The following GPR55 variants were observed in gnomAD, a reference collection of about 807,000 sequenced individuals.
The protein encoded by GPR55 is G-protein coupled receptor 55.
GPR55 carries 6 observed loss-of-function variants against 7.9 expected under a neutral mutation model. The observed-to-expected ratio is 0.76, with a 90% CI of 0.41 to 1.49. The LOEUF (loss-of-function observed/expected upper bound fraction) is 1.49, where lower values mean the gene tolerates loss of function less well. Ranked by LOEUF, GPR55 falls within the 40% of genes most tolerant of loss-of-function variation. The pLI, the probability that GPR55 is intolerant of heterozygous loss-of-function variation, is 0.01. For synonymous variants in GPR55, 183 were observed against 166.8 expected (o/e 1.10, Z -0.75); for missense variants, 376 against 406.0 (o/e 0.93, Z 0.63).
intron 1 of GPR55, among the ~76,000 whole-genome samples, chr2:230,937,178 G>A (rs557073606): frequency 6.6e-6 from 1 of 151,808 alleles, no homozygotes; most frequent in African/African-American, 2.4e-5. Flanking sequence ...GAGGTGGGAG[G>A]ATTGCTTGAG....
intron 1 of GPR55, among the ~76,000 whole-genome samples, chr2:230,951,327 T>C (rs555800484): frequency 6.6e-6 from 1 of 152,294 alleles, no homozygotes; most frequent in East Asian, 1.9e-4. Context: ...AGAATTCTCC[T>C]TCTGTGTTGA....
At chr2:230,956,098 G>A (rs1691478657) in intron 1 of GPR55, among the ~76,000 whole-genome samples, 2 of 152,124 alleles carry the variant, frequency 1.3e-5, no homozygotes, top group South Asian at 4.2e-4. Flanking sequence ...ACAGTGGGAG[G>A]TCTTGTTCTA....
At chr2:230,947,855 C>T (rs375835602) in intron 1 of GPR55, among the ~76,000 whole-genome samples, 3 of 152,174 alleles carry the variant, frequency 2.0e-5, no homozygotes, top group East Asian at 1.9e-4. Context: ...TGGTGCCCCC[C>T]CTCCAACTCC....
chr2:230,935,607 C>T (rs1245013226), intron 1 of GPR55, among the ~76,000 whole-genome samples: 2 of 152,148 alleles, frequency 1.3e-5, no homozygotes, highest in East Asian at 1.9e-4. Flanking sequence ...CATGTGCATG[C>T]CCTAGATGGA....
intron 1 of GPR55, among the ~76,000 whole-genome samples, chr2:230,934,174 G>C (rs1691098534): frequency 6.6e-6 from 1 of 152,104 alleles, no homozygotes; most frequent in African/African-American, 2.4e-5. Context: ...TGCACTGGCT[G>C]TTTCTCCACC....
At chr2:230,943,052 G>A (rs1559178268) in intron 1 of GPR55, among the ~76,000 whole-genome samples, 1 of 149,052 alleles carries the variant, frequency 6.7e-6, no homozygotes, top group Non-Finnish European at 1.5e-5. Flanking sequence ...GAAGAGGAGA[G>A]AGGAGGGAGA....
intron 1 of GPR55, among the ~76,000 whole-genome samples, chr2:230,949,138 C>T (rs1691361533): frequency 6.8e-6 from 1 of 148,134 alleles, no homozygotes; most frequent in Non-Finnish European, 1.5e-5. Flanking sequence ...GGCCCTAATG[C>T]TTTTATGGCT....
intron 1 of GPR55, among the ~76,000 whole-genome samples, chr2:230,921,465 A>G (rs1387928953): frequency 6.6e-6 from 1 of 152,234 alleles, no homozygotes; most frequent in Non-Finnish European, 1.5e-5. Context: ...CAAAGAAAAT[A>G]GCTGTTTGTT....
At chr2:230,926,306 C>T (rs918633785), upstream of GPR55, among the ~76,000 whole-genome samples, 4 of 152,186 alleles carry the variant, frequency 2.6e-5, no homozygotes, top group South Asian at 2.1e-4. Context: ...TGGGCTTGTG[C>T]GATGGGCAGT....
At chr2:230,925,529 C>G (rs1690927699), upstream of GPR55, among the ~76,000 whole-genome samples, 1 of 152,118 alleles carries the variant, frequency 6.6e-6, no homozygotes, top group African/African-American at 2.4e-5. Flanking sequence ...CTGCATGTGT[C>G]AAGCCCTGGG....
chr2:230,914,975 G>T (rs928676848), intron 1 of GPR55, among the ~76,000 whole-genome samples: 40 of 152,368 alleles, frequency 2.6e-4, no homozygotes, highest in African/African-American at 9.1e-4. Flanking sequence ...GAACAACAAG[G>T]TGGGAAGGAC....
At chr2:230,947,514 T>C (rs1428393413) in intron 1 of GPR55, among the ~76,000 whole-genome samples, 1 of 151,142 alleles carries the variant, frequency 6.6e-6, no homozygotes, top group Non-Finnish European at 1.5e-5. Context: ...TTTTTTTTTT[T>C]TTTTTTTGAG....
intron 1 of GPR55, among the ~76,000 whole-genome samples, chr2:230,920,306 T>C (rs142311605): frequency 6.6e-6 from 1 of 152,278 alleles, no homozygotes; most frequent in African/African-American, 2.4e-5. Context: ...AATTAAAAGT[T>C]ATGCATTGAA....
rs1013419192 is a variant in GPR55 at position 230,908,116 on chromosome 2, G to A, written c.*1887C>T. The A allele has an allele frequency of 6.6e-6, 1 of 152,592 alleles. No homozygotes were observed. Among genetic ancestry groups the A allele is most frequent in the African/African-American group, 2.4e-5 (1 of 41,442 alleles). 9.5% of individuals were successfully genotyped at this position (152,592 alleles called of 1,614,324 possible). ...CCTGCAGGCAAGGAGAGGAGTGTCT[G>A]GGGTTTGGGGCAGCCAGGCAGCCTT... On this transcript the variant is annotated 3_prime_UTR_variant, in exon 2 of 2. Coordinates refer to ENST00000650999, the MANE Select transcript of GPR55 (RefSeq NM_005683.4).
chr2:230,916,066 GAA>G (rs1205941978), intron 1 of GPR55, among the ~76,000 whole-genome samples: 2 of 142,624 alleles, frequency 1.4e-5, no homozygotes, highest in African/African-American at 5.1e-5. Context: ...AAAATCAAAA[GAA>G]AAAAAAAAAC....
chr2:230,934,226 T>C (rs1456623397), intron 1 of GPR55, among the ~76,000 whole-genome samples: 1 of 152,218 alleles, frequency 6.6e-6, no homozygotes, highest in African/African-American at 2.4e-5. Context: ...TGGTGATTTC[T>C]AACCCAGCCC....
At chr2:230,921,755 C>T (rs1021630915) in intron 1 of GPR55, among the ~76,000 whole-genome samples, 5 of 152,152 alleles carry the variant, frequency 3.3e-5, no homozygotes, top group African/African-American at 1.2e-4. Flanking sequence ...ATGGCCAATG[C>T]ACAGCTCTGA....
At chr2:230,914,797 T>G (rs1690672663) in intron 1 of GPR55, among the ~76,000 whole-genome samples, 1 of 152,170 alleles carries the variant, frequency 6.6e-6, no homozygotes, top group South Asian at 2.1e-4. Flanking sequence ...GGTGGGAGGT[T>G]GAGTCCCCTC....
intron 1 of GPR55, among the ~76,000 whole-genome samples, chr2:230,955,314 CCTA>C (rs992417620): frequency 1.1e-4 from 17 of 152,188 alleles, no homozygotes; most frequent in African/African-American, 3.9e-4. Context: ...GTCTTGACTT[CCTA>C]TTTTCCATGT....
Sources: allele counts gnomAD v4.1 joint callset (sites outside exome capture counted in the v4.1 genomes callset), GRCh38; gene constraint gnomAD v4.1.1; transcripts MANE v1.5; gene names NCBI Gene and HGNC (gene_info 2026-07-23, HGNC 2026-07-21).